LRMDA: variants seen among roughly 807,000 people sequenced by gnomAD.
The protein encoded by LRMDA is leucine rich melanocyte differentiation associated.
Under a neutral mutation model 29.8 loss-of-function variants are expected in LRMDA, and 18 were observed. The ratio of observed to expected loss-of-function variants is 0.60; its 90% CI spans 0.42 to 0.90. The LOEUF is 0.90. Ranked by LOEUF, LRMDA falls within the 40% of genes least tolerant of loss-of-function variation. The probability of loss-of-function intolerance (pLI) is 0.00; values close to 1 mark genes in which losing one functional copy is unlikely to be tolerated. For missense variants in LRMDA, 273 were observed against 273.9 expected (o/e 1.00, Z 0.02); for synonymous variants, 125 against 109.4 (o/e 1.14, Z -0.89).
chr10:76,308,040 A>T (rs936099270), intron 5 of LRMDA, among the ~76,000 whole-genome samples: 1 of 152,170 alleles, frequency 6.6e-6, no homozygotes, highest in African/African-American at 2.4e-5. Context: ...TTGGTCAAGA[A>T]TTCTTAATTG....
In LRMDA at chr10:75,950,801, G is replaced by T. The variant is rs564406503; in HGVS notation, c.132-85207G>T. Among the ~76,000 whole-genome samples, 6 of 152,342 alleles carry T rather than the reference G, an allele frequency of 3.9e-5. No individual in the cohort carries two copies. The East Asian group carries it at 1.2e-3, about 29-fold the overall frequency. ...GTGATCACTCAGGAACCTTTAATGA[G>T]TGAATGAATGAAGCTAGAGTGTGAT... is the stretch of plus-strand genomic sequence containing the variant. On this transcript the variant is annotated intron_variant, in intron 2 of 6. Transcript: ENST00000611255.
intron 2 of LRMDA, among the ~76,000 whole-genome samples, chr10:75,741,049 A>T (rs565629658): frequency 4.9e-4 from 74 of 152,272 alleles, no homozygotes; most frequent in African/African-American, 1.7e-3. Context: ...GTAATAGACT[A>T]CCACTAGCTT....
chr10:76,020,218 G>A (rs779035766), intron 2 of LRMDA, among the ~76,000 whole-genome samples: 3 of 152,180 alleles, frequency 2.0e-5, no homozygotes, highest in Non-Finnish European at 2.9e-5. Context: ...TACTATAAGC[G>A]TGTGGATACT....
chr10:76,093,005 G>A (rs1033489505), intron 5 of LRMDA, among the ~76,000 whole-genome samples: 2 of 152,050 alleles, frequency 1.3e-5, no homozygotes, highest in Non-Finnish European at 2.9e-5. Flanking sequence ...TACTGAGACC[G>A]TTAGGGCACC....
chr10:76,409,361 A>G (rs1407828574), intron 6 of LRMDA, among the ~76,000 whole-genome samples: 1 of 152,202 alleles, frequency 6.6e-6, no homozygotes, highest in East Asian at 1.9e-4. Flanking sequence ...ACTCAAGGTC[A>G]TTGCCAAGGT....
At chr10:76,414,732 G>T (rs142959904) in intron 6 of LRMDA, among the ~76,000 whole-genome samples, 1 of 152,200 alleles carries the variant, frequency 6.6e-6, no homozygotes, top group Non-Finnish European at 1.5e-5. Flanking sequence ...GTTGAGCCAT[G>T]GCTTAGCTGG....
At chr10:75,994,731 G>A (rs1245551445) in intron 2 of LRMDA, among the ~76,000 whole-genome samples, 2 of 152,098 alleles carry the variant, frequency 1.3e-5, no homozygotes, top group Admixed American at 6.5e-5. Flanking sequence ...ATAACATTTT[G>A]TCCTTTTAGA....
intron 2 of LRMDA, among the ~76,000 whole-genome samples, chr10:75,949,189 G>T (rs1846530692): frequency 6.6e-6 from 1 of 152,164 alleles, no homozygotes; most frequent in Non-Finnish European, 1.5e-5. Context: ...GGGTGTTTAG[G>T]AGGGGTGTCC....
chr10:75,905,507 A>G (rs1009116301), intron 2 of LRMDA, among the ~76,000 whole-genome samples: 9 of 152,126 alleles, frequency 5.9e-5, no homozygotes, highest in Non-Finnish European at 1.3e-4. Flanking sequence ...ATCTTTAAAA[A>G]TTATATGAAT....
intron 6 of LRMDA, among the ~76,000 whole-genome samples, chr10:76,372,789 C>G (rs1841470424): frequency 6.6e-6 from 1 of 152,052 alleles, no homozygotes; most frequent in Non-Finnish European, 1.5e-5. Context: ...TGGGGTGATA[C>G]AGTACCTCAT....
chr10:76,138,664 A>G (rs1429822781), intron 5 of LRMDA, among the ~76,000 whole-genome samples: 2 of 152,194 alleles, frequency 1.3e-5, no homozygotes, highest in African/African-American at 4.8e-5. Context: ...ATTGTTTTAT[A>G]TGTAAGCCAC....
At chr10:75,767,952 C>T (rs1411948979) in intron 2 of LRMDA, among the ~76,000 whole-genome samples, 1 of 152,098 alleles carries the variant, frequency 6.6e-6, no homozygotes, top group African/African-American at 2.4e-5. Flanking sequence ...AAGGGGCTGG[C>T]CTTGGAGACT....
chr10:76,396,179 T>C (rs973964633), intron 6 of LRMDA, among the ~76,000 whole-genome samples: 1 of 152,150 alleles, frequency 6.6e-6, no homozygotes, highest in African/African-American at 2.4e-5. Context: ...CTGTGTCAGA[T>C]GATACAAACT....
intron 2 of LRMDA, among the ~76,000 whole-genome samples, chr10:75,490,334 CAT>C (rs1378708175): frequency 6.9e-5 from 4 of 57,960 alleles, no homozygotes; most frequent in South Asian, 1.0e-3. Context: ...GACATGTACA[CAT>C]ACACACACAC....
At chr10:75,464,938 A>T (rs886098227) in intron 2 of LRMDA, among the ~76,000 whole-genome samples, 8 of 152,084 alleles carry the variant, frequency 5.3e-5, no homozygotes, top group African/African-American at 1.9e-4. Flanking sequence ...AATTGGGAGG[A>T]TGAAACTGGT....
At chr10:76,187,656 A>G (rs995429000) in intron 5 of LRMDA, among the ~76,000 whole-genome samples, 1 of 152,188 alleles carries the variant, frequency 6.6e-6, no homozygotes, top group Non-Finnish European at 1.5e-5. Context: ...AATGGATGTT[A>G]TTTCAATCTG....
chr10:75,608,129 T>TATATATATATATATATACACACACAC (rs11271217), intron 2 of LRMDA, among the ~76,000 whole-genome samples: 7 of 89,544 alleles, frequency 7.8e-5, no homozygotes, highest in African/African-American at 1.9e-4. Flanking sequence ...TATATATATA[T>TATATATATATATATATACACACACAC]ACACACACAT....
intron 6 of LRMDA, among the ~76,000 whole-genome samples, chr10:76,425,728 A>C (rs981599437): frequency 2.0e-5 from 3 of 151,300 alleles, no homozygotes; most frequent in Admixed American, 1.3e-4. Context: ...CATTAGGTGT[A>C]TCTCCTAATG....
intron 5 of LRMDA, among the ~76,000 whole-genome samples, chr10:76,126,308 TTTTG>T (rs893897541): frequency 6.6e-5 from 10 of 152,320 alleles, no homozygotes; most frequent in East Asian, 5.8e-4. Flanking sequence ...GACTTTGGCT[TTTTG>T]TTTGTTTGTT....
Sources: allele counts gnomAD v4.1 joint callset (sites outside exome capture counted in the v4.1 genomes callset), GRCh38; gene constraint gnomAD v4.1.1; transcripts MANE v1.5; gene names NCBI Gene and HGNC (gene_info 2026-07-23, HGNC 2026-07-21).